ACYP2: variants seen among roughly 807,000 people sequenced by gnomAD.
ACYP2 encodes the protein acylphosphatase-2.
Under a neutral mutation model 11.2 loss-of-function variants are expected in ACYP2, and 12 were observed. That is an observed-to-expected ratio of 1.08 (90% CI 0.69 to 1.74). The LOEUF is 1.74. Ranked by LOEUF, ACYP2 falls within the 40% of genes most tolerant of loss-of-function variation. ACYP2 has a pLI of 0.00. For synonymous variants in ACYP2, 43 were observed against 32.2 expected (o/e 1.33, Z -1.13); for missense variants, 134 against 101.9 (o/e 1.31, Z -1.35).
chr2:54,285,493 A>T (rs1014244522), intron 6 of ACYP2, among the ~76,000 whole-genome samples: 1 of 152,088 alleles, frequency 6.6e-6, no homozygotes, highest in African/African-American at 2.4e-5. Context: ...CTCTCTCCTA[A>T]ATTCTGTTGT....
intron 6 of ACYP2, among the ~76,000 whole-genome samples, chr2:54,251,663 G>A (rs148506883): frequency 4.3e-4 from 65 of 152,282 alleles, no homozygotes; most frequent in African/African-American, 1.5e-3. Context: ...CACTGACTGC[G>A]TGTGTTCAGA....
At chr2:54,178,133 C>G (rs184426234) in intron 6 of ACYP2, among the ~76,000 whole-genome samples, 2 of 152,116 alleles carry the variant, frequency 1.3e-5, no homozygotes, top group East Asian at 1.9e-4. Context: ...CTTGAGCCTT[C>G]TACTTCTTAA....
chr2:54,147,939 TA>T (rs1183152720), intron 6 of ACYP2, among the ~76,000 whole-genome samples: 1 of 151,966 alleles, frequency 6.6e-6, no homozygotes, highest in Non-Finnish European at 1.5e-5. Context: ...AAAATGGATA[TA>T]AAAAAAGGGT....
chr2:54,162,044 TTTTTTTGTTATTG>T (rs961193140), intron 6 of ACYP2, among the ~76,000 whole-genome samples: 3 of 152,126 alleles, frequency 2.0e-5, no homozygotes, highest in African/African-American at 7.2e-5. Flanking sequence ...GATTCTTACT[TTTTTTTGTTATTG>T]TTCAATTGCT....
intron 2 of ACYP2, among the ~76,000 whole-genome samples, chr2:53,987,030 A>G (rs1429744479): frequency 6.6e-6 from 1 of 152,240 alleles, no homozygotes; most frequent in South Asian, 2.1e-4. Context: ...GCACAAATAC[A>G]TGCAACAATA....
At chr2:54,266,289 C>G (rs1470246360) in intron 6 of ACYP2, among the ~76,000 whole-genome samples, 1 of 152,092 alleles carries the variant, frequency 6.6e-6, no homozygotes, top group Non-Finnish European at 1.5e-5. Context: ...TTACCACAAC[C>G]CACTGGACAT....
intron 2 of ACYP2, among the ~76,000 whole-genome samples, chr2:54,041,249 C>T (rs189712007): frequency 6.8e-4 from 103 of 151,972 alleles, no homozygotes; most frequent in African/African-American, 2.3e-3. Context: ...GCCCGGCCAG[C>T]GGTGGCCTTT....
At chr2:54,273,158 T>C (rs1201436458) in intron 6 of ACYP2, among the ~76,000 whole-genome samples, 2 of 152,194 alleles carry the variant, frequency 1.3e-5, no homozygotes, top group Non-Finnish European at 2.9e-5. Flanking sequence ...ATTTAATAAA[T>C]AGAGTCTGTC....
At chr2:54,154,715 G>A (rs1396137455) in intron 6 of ACYP2, among the ~76,000 whole-genome samples, 3 of 152,110 alleles carry the variant, frequency 2.0e-5, no homozygotes, top group Non-Finnish European at 4.4e-5. Context: ...GTTCATCAGG[G>A]ATATTGGCCT....
intron 6 of ACYP2, among the ~76,000 whole-genome samples, chr2:54,238,304 A>G (rs111631861): frequency 0.028 from 4,264 of 152,256 alleles, 195 homozygotes; most frequent in African/African-American, 0.096. Flanking sequence ...CTGTAAGAGG[A>G]GAGAGCTTTT....
chr2:54,128,653 T>C (rs1680690948), intron 4 of ACYP2, among the ~76,000 whole-genome samples: 5 of 152,060 alleles, frequency 3.3e-5, no homozygotes, highest in Admixed American at 3.3e-4. Flanking sequence ...GGCAACAGAG[T>C]GAGACCCCAT....
At chr2:54,041,577 G>A (rs142958522) in intron 2 of ACYP2, among the ~76,000 whole-genome samples, 1 of 152,230 alleles carries the variant, frequency 6.6e-6, no homozygotes, top group East Asian at 1.9e-4. Flanking sequence ...GTATGGTTTG[G>A]TTCTTCACTA....
intron 2 of ACYP2, among the ~76,000 whole-genome samples, chr2:53,987,238 T>G (rs150092378): frequency 1.7e-3 from 252 of 152,286 alleles, no homozygotes; most frequent in African/African-American, 5.9e-3. Flanking sequence ...ATGTCCTGTT[T>G]CTCCATCTGG....
At position 54,142,017 on chromosome 2, in the gene ACYP2, TTTG is replaced by T. The variant is rs10611682; in HGVS notation, c.404+3300_404+3302del. ...TGTGTGTGTGTGTGTGTGTGTATATTTTGTTGTTGTTGTTGTTGTTGTTGTTGT... is the reference window on the plus strand; with the variant it reads ...TGTGTGTGTGTGTGTGTGTGTATATTTTGTTGTTGTTGTTGTTGTTGTTGT... On this transcript the variant is annotated intron_variant, in intron 6 of 6. Transcript: ENST00000607452. 2,928 of 379,686 alleles carry T rather than the reference TTTG, an allele frequency of 7.7e-3. 12 individuals carry two copies. The highest frequency in any genetic ancestry group is 0.017 in the African/African-American group (807 of 46,160). 23.5% of individuals were successfully genotyped at this position (379,686 alleles called of 1,614,324 possible). A position where few individuals can be genotyped will look rare whatever the true frequency, so the allele number is the denominator to read the frequency against.
At chr2:54,113,203 C>A (rs1679545720) in intron 4 of ACYP2, among the ~76,000 whole-genome samples, 1 of 150,718 alleles carries the variant, frequency 6.6e-6, no homozygotes, top group Non-Finnish European at 1.5e-5. Context: ...GGAATGATGA[C>A]AAGAAACAAG....
At chr2:54,213,102 C>T (rs1307320785) in intron 6 of ACYP2, among the ~76,000 whole-genome samples, 1 of 152,188 alleles carries the variant, frequency 6.6e-6, no homozygotes, top group East Asian at 1.9e-4. Flanking sequence ...ACCCTCCACC[C>T]TCAAGTGGTC....
intron 4 of ACYP2, among the ~76,000 whole-genome samples, chr2:54,127,162 T>C (rs929869196): frequency 1.3e-5 from 2 of 150,756 alleles, no homozygotes; most frequent in African/African-American, 2.4e-5. Context: ...GTATTCTACA[T>C]GGCACTGCTC....
chr2:54,243,131 A>G (rs995146976), intron 6 of ACYP2, among the ~76,000 whole-genome samples: 11 of 152,230 alleles, frequency 7.2e-5, no homozygotes. Flanking sequence ...TTTCGTTTGA[A>G]AAATTTTTTT....
chr2:54,208,986 C>CT lies in ACYP2; in HGVS notation c.404+70249dup, dbSNP rs60260017. On this transcript the variant is annotated intron_variant, in intron 6 of 6. Coordinates refer to ENST00000607452, the MANE Select transcript of ACYP2 (RefSeq NM_001320586.2). ...TGACAAAAACAATTCTTTGCTTTTA[C>CT]TTTTTTTTTTTGGCAAGCTCCACTT... Among the ~76,000 whole-genome samples the CT allele has an allele frequency of 2.3e-3, 328 of 145,502 alleles. 1 individual carries two copies. The highest frequency in any genetic ancestry group is 6.5e-3 in the African/African-American group (258 of 39,604).
Sources: gnomAD v4.1 joint callset for allele counts (sites outside exome capture counted in the v4.1 genomes callset) on GRCh38, gnomAD v4.1.1 for gene constraint, MANE v1.5 for transcripts, NCBI Gene and HGNC (gene_info 2026-07-23, HGNC 2026-07-21) for gene names.